Variants in MECOM observed in about 807,000 individuals in gnomAD.
MECOM encodes MDS1 and EVI1 complex locus, also known as histone-lysine N-methyltransferase MECOM.
Under a neutral mutation model 116.3 loss-of-function variants are expected in MECOM, and 13 were observed. The observed-to-expected ratio is 0.11, with a 90% CI of 0.07 to 0.18. The LOEUF is 0.18. Among genes scored for constraint, MECOM ranks in the 10% least tolerant of loss-of-function variants. MECOM has a pLI of 1.00. For missense variants in MECOM, 1,299 were observed against 1,509.0 expected (o/e 0.86, Z 2.31); for synonymous variants, 528 against 535.2 (o/e 0.99, Z 0.19).
At chr3:169,406,276 T>A (rs558988438) in intron 1 of MECOM, among the ~76,000 whole-genome samples, 1 of 152,224 alleles carries the variant, frequency 6.6e-6, no homozygotes. Context: ...CCTGGCACTG[T>A]CACTAATTAA....
At chr3:169,409,691 C>T (rs1222049650) in intron 1 of MECOM, among the ~76,000 whole-genome samples, 1 of 152,216 alleles carries the variant, frequency 6.6e-6, no homozygotes, top group South Asian at 2.1e-4. Context: ...TTGAAACCCT[C>T]ATAACTGTAC....
intron 1 of MECOM, among the ~76,000 whole-genome samples, chr3:169,648,329 G>A (rs192076338): frequency 2.2e-3 from 339 of 152,284 alleles, no homozygotes; most frequent in Middle Eastern, 6.8e-3. Context: ...TACAGACCAT[G>A]AGGCACTTTG....
At chr3:169,361,975 T>C (rs16853574) in intron 2 of MECOM, among the ~76,000 whole-genome samples, 7,343 of 151,998 alleles carry the variant, frequency 0.048, 218 homozygotes, top group East Asian at 0.1. Flanking sequence ...TCTGCTAACA[T>C]ATAAAATGCA....
intron 1 of MECOM, among the ~76,000 whole-genome samples, chr3:169,600,178 G>A (rs929031661): frequency 6.6e-6 from 1 of 151,974 alleles, no homozygotes; most frequent in Non-Finnish European, 1.5e-5. Flanking sequence ...CACCATGTTG[G>A]CCAGGCTGGT....
intron 2 of MECOM, among the ~76,000 whole-genome samples, chr3:169,167,305 TCTC>T (rs1386650886): frequency 2.0e-5 from 3 of 152,186 alleles, no homozygotes; most frequent in African/African-American, 7.2e-5. Context: ...CCCTGTGCCT[TCTC>T]CTCCTCACAT....
At chr3:169,503,069 G>A (rs749974509) in intron 1 of MECOM, among the ~76,000 whole-genome samples, 20 of 152,266 alleles carry the variant, frequency 1.3e-4, no homozygotes, top group African/African-American at 2.2e-4. Context: ...TGTATCATAC[G>A]ATAGTAAATT....
chr3:169,472,660 AAGGAAAGGAAAGGAG>A (rs1749714552), intron 1 of MECOM, among the ~76,000 whole-genome samples: 2 of 105,908 alleles, frequency 1.9e-5, no homozygotes, highest in African/African-American at 5.8e-5. Context: ...AAAGAAAAGA[AAGGAAAGGAAAGGAG>A]AGGAGAGGAA....
intron 7 of MECOM, among the ~76,000 whole-genome samples, chr3:169,117,395 T>C (rs534260867): frequency 1.3e-4 from 20 of 152,354 alleles, no homozygotes; most frequent in African/African-American, 4.3e-4. Context: ...TGACATAATT[T>C]ACAATGGCTC....
At chr3:169,606,194 C>T (rs1010886955) in intron 1 of MECOM, among the ~76,000 whole-genome samples, 9 of 152,014 alleles carry the variant, frequency 5.9e-5, no homozygotes, top group African/African-American at 1.9e-4. Flanking sequence ...GGTGTATCAT[C>T]TGAGATCAGG....
chr3:169,366,038 A>T (rs1343647288), intron 2 of MECOM, among the ~76,000 whole-genome samples: 1 of 152,044 alleles, frequency 6.6e-6, no homozygotes, highest in Non-Finnish European at 1.5e-5. Context: ...GCTGACTTAG[A>T]CTGACAGCAA....
At chr3:169,247,720 A>G (rs558280840) in intron 2 of MECOM, among the ~76,000 whole-genome samples, 73 of 152,388 alleles carry the variant, frequency 4.8e-4, no homozygotes, top group African/African-American at 1.7e-3. Flanking sequence ...ACTATTTATT[A>G]AACACTCACT....
chr3:169,483,834 T>C, intron 1 of MECOM: 1 of 1,611,782 alleles, frequency 6.2e-7, no homozygotes, highest in Non-Finnish European at 8.5e-7. Flanking sequence ...GAAAGGCACC[T>C]CGGATGTCAC....
intron 1 of MECOM, among the ~76,000 whole-genome samples, chr3:169,422,178 G>T (rs1273343367): frequency 2.0e-5 from 3 of 152,036 alleles, no homozygotes; most frequent in Non-Finnish European, 4.4e-5. Flanking sequence ...CAGAGTTCTA[G>T]CTGAGACTTT....
intron 1 of MECOM, among the ~76,000 whole-genome samples, chr3:169,593,463 A>G (rs961504238): frequency 6.6e-6 from 1 of 152,182 alleles, no homozygotes; most frequent in African/African-American, 2.4e-5. Flanking sequence ...TACCCTATAC[A>G]GTGCAGATTG....
intron 2 of MECOM, among the ~76,000 whole-genome samples, chr3:169,210,784 C>T (rs898115495): frequency 1.3e-5 from 2 of 152,072 alleles, no homozygotes; most frequent in Non-Finnish European, 2.9e-5. Flanking sequence ...TTCCACCCAA[C>T]CCTAAATAAT....
intron 2 of MECOM, among the ~76,000 whole-genome samples, chr3:169,341,574 T>C (rs1184059558): frequency 1.3e-5 from 2 of 151,660 alleles, no homozygotes; most frequent in African/African-American, 4.8e-5. Flanking sequence ...ACTCCATCTC[T>C]ACTAAAAATA....
In MECOM at chr3:169,095,132, C is replaced by G. The variant is rs1320058225; in HGVS notation, c.2963G>C (p.Gly988Ala). 1.2e-6 allele frequency: 2 copies of G among 1,613,194 alleles called. No individual in the cohort carries two copies. Among genetic ancestry groups the G allele is most frequent in the Admixed American group, 1.7e-5 (1 of 59,936 alleles). The change falls in exon 13 of 17, where the codon GGT (glycine) becomes GCT (alanine). Residue 988 changes from glycine (G) to alanine (A), a missense_variant. Physicochemically the swap from Gly to Ala is moderately conservative, Grantham distance 60 (BLOSUM62 0). Coordinates refer to ENST00000651503, the MANE Select transcript of MECOM (RefSeq NM_004991.4). ...GTGTCTGTCTAAATTGGTTTGTTGA[C>G]CAAAACACCTATCACATAAGTGACA... Reference protein sequence around the residue: ...FKCHLCDRCFGQQTNLDRHLK... With the variant: ...FKCHLCDRCFAQQTNLDRHLK...
chr3:169,522,018 A>G (rs1222521751), intron 1 of MECOM, among the ~76,000 whole-genome samples: 1 of 152,216 alleles, frequency 6.6e-6, no homozygotes, highest in Non-Finnish European at 1.5e-5. Flanking sequence ...ATGCCATTTT[A>G]TGTCAGAGAC....
intron 1 of MECOM, chr3:169,447,718 A>G (rs910126356): frequency 3.3e-5 from 5 of 152,260 alleles, no homozygotes; most frequent in African/African-American, 1.2e-4. Context: ...AAGAAAAACC[A>G]TCTCCACCTG....
Sources: gnomAD v4.1 joint callset for allele counts (sites outside exome capture counted in the v4.1 genomes callset) on GRCh38, gnomAD v4.1.1 for gene constraint, MANE v1.5 for transcripts, NCBI Gene and HGNC (gene_info 2026-07-23, HGNC 2026-07-21) for gene names.